Variants in LPA observed in about 807,000 individuals in gnomAD.
The protein encoded by LPA is lipoprotein(a).
A neutral mutation model predicts 197.9 loss-of-function variants in LPA; 199 were observed. The ratio of observed to expected loss-of-function variants is 1.01; its 90% CI spans 0.90 to 1.13. The LOEUF (loss-of-function observed/expected upper bound fraction) is 1.13. LPA is among the 50% of genes most tolerant of loss of function. The pLI is 0.00. For missense variants in LPA, 1,853 were observed against 1,785.8 expected, an observed-to-expected ratio of 1.04 and a Z score of -0.68; for synonymous variants, 715 against 639.5, an observed-to-expected ratio of 1.12 and a Z score of -1.78.
intron 28 of LPA, among the ~76,000 whole-genome samples, chr6:160,574,984 G>A (rs1020711614): frequency 1.3e-5 from 2 of 152,088 alleles, no homozygotes; most frequent in Non-Finnish European, 2.9e-5. Flanking sequence ...TATTGTTTCT[G>A]ACTTTCATTG....
chr6:160,567,438 G>A (rs1219360400), intron 28 of LPA, among the ~76,000 whole-genome samples: 2 of 152,156 alleles, frequency 1.3e-5, no homozygotes, highest in African/African-American at 2.4e-5. Context: ...GATATTCTTT[G>A]AAACCAATGA....
intron 14 of LPA, among the ~76,000 whole-genome samples, chr6:160,615,381 T>G (rs1259492367): frequency 2.1e-4 from 27 of 130,636 alleles, no homozygotes; most frequent in Non-Finnish European, 4.0e-4. Context: ...TGTGTGTGTG[T>G]GTGTAGCTCA....
In LPA at chr6:160,606,514, A is replaced by T. The variant is rs1306852382; in HGVS notation, c.2748T>A (p.Ile916=). 1 of 1,613,554 alleles carries T rather than the reference A, an allele frequency of 6.2e-7. No homozygotes were observed. Among genetic ancestry groups the T allele is most frequent in the African/African-American group, 1.3e-5 (1 of 75,010 alleles). Residue 916 remains isoleucine, a synonymous_variant, in exon 17 of 39, where the codon ATT becomes ATA. Coordinates refer to ENST00000316300, the MANE Select transcript of LPA (RefSeq NM_005577.4). Reference sequence around the variant, plus strand: ...GAGCCTCTAGGCTTGGAATCGGGGTAATAGTTGGAGGCGCGACGGCAGTCC... The same window carrying T: ...GAGCCTCTAGGCTTGGAATCGGGGTTATAGTTGGAGGCGCGACGGCAGTCC... ...AEGTAVAPPT[I]TPIPSLEAPS...
At chr6:160,553,137 A>G (rs1359109839) in intron 30 of LPA, among the ~76,000 whole-genome samples, 1 of 152,170 alleles carries the variant, frequency 6.6e-6, no homozygotes, top group African/African-American at 2.4e-5. Flanking sequence ...GTTTTTATGA[A>G]TTTTACTACT....
intron 35 of LPA, among the ~76,000 whole-genome samples, chr6:160,540,879 C>T (rs1777971060): frequency 6.6e-6 from 1 of 152,200 alleles, no homozygotes; most frequent in African/African-American, 2.4e-5. Context: ...TGGGTCTTCC[C>T]TCTGCAGATT....
In LPA at chr6:160,659,077, C is replaced by T. The variant is rs916949881; in HGVS notation, c.49+5089G>A. Among the ~76,000 whole-genome samples the T allele has an allele frequency of 3.9e-5, 6 of 152,274 alleles. No homozygotes were observed. The East Asian group carries it at 1.2e-3, about 29-fold the overall frequency. On this transcript the variant is annotated intron_variant, in intron 1 of 38. Transcript: ENST00000316300. Reference sequence around the variant, plus strand: ...AGCAAGGAAGACAGTCCAAGTCCCACAGCTGAAGAACTTGGAGTCCGATGT... The same window carrying T: ...AGCAAGGAAGACAGTCCAAGTCCCATAGCTGAAGAACTTGGAGTCCGATGT...
At chr6:160,600,796 G>A (rs1779223148) in intron 19 of LPA, 121 bp downstream of exon 19, 2 of 1,153,168 alleles carry the variant, frequency 1.7e-6, no homozygotes, top group Non-Finnish European at 2.6e-6. Context: ...CCTCCCACAT[G>A]GCAGACCCAG....
intron 17 of LPA, among the ~76,000 whole-genome samples, chr6:160,606,084 T>A (rs749118020): frequency 1.3e-5 from 2 of 152,192 alleles, no homozygotes; most frequent in Non-Finnish European, 2.9e-5. Context: ...TTTCTCTGAA[T>A]CTGCAATGCT....
intron 28 of LPA, among the ~76,000 whole-genome samples, chr6:160,569,097 A>G (rs909124361): frequency 3.3e-5 from 5 of 152,348 alleles, no homozygotes; most frequent in Admixed American, 1.3e-4. Context: ...CCATCAAGCT[A>G]CCAATGACTT....
intron 28 of LPA, among the ~76,000 whole-genome samples, chr6:160,563,875 A>C (rs1303863911): frequency 3.9e-5 from 6 of 152,210 alleles, no homozygotes; most frequent in African/African-American, 1.4e-4. Context: ...ATCAAAGACT[A>C]AGATTGCAAC....
chr6:160,589,887 G>T (rs998256896), intron 23 of LPA, among the ~76,000 whole-genome samples, 175 bp from the exon 24 acceptor site: 1 of 152,226 alleles, frequency 6.6e-6, no homozygotes, highest in African/African-American at 2.4e-5. Flanking sequence ...ATAGCATTCT[G>T]GAACTTCAAT....
In LPA at chr6:160,578,661, G is replaced by A. The variant is rs778266525; in HGVS notation, c.4333C>T (p.Arg1445Cys). 1.8e-5 allele frequency: 29 copies of A among 1,613,820 alleles called. No homozygotes were observed. The South Asian group carries it at 2.1e-4, about 12-fold the overall frequency. The change falls in exon 27 of 39, where the codon CGC (arginine) becomes TGC (cysteine). Residue 1445 changes from arginine to cysteine, a missense_variant. Physicochemically the swap from Arg to Cys is radical, Grantham distance 180. Around this residue, in one of 3 missense-constraint regions of LPA, gnomAD observed 1,737 missense variants for 1,504.4 expected, o/e 1.15. Coordinates refer to ENST00000316300, the MANE Select transcript of LPA (RefSeq NM_005577.4). The part of the protein sequence containing the change: ...NYCRNPDAEI[R>C]PWCYTMDPSV... ...GGATCCATGGTGTAACACCAAGGGC[G>A]AATCTCAGCATCTGGATTCCTGCAG... is the stretch of plus-strand genomic sequence containing the variant.
intron 16 of LPA, among the ~76,000 whole-genome samples, chr6:160,608,961 C>A (rs1779420673): frequency 6.6e-6 from 1 of 152,004 alleles, no homozygotes; most frequent in African/African-American, 2.4e-5. Flanking sequence ...CTAAATTGAT[C>A]AGGCAGCCAT....
At chr6:160,580,913 G>A (rs1188817715) in intron 26 of LPA, among the ~76,000 whole-genome samples, 1 of 152,090 alleles carries the variant, frequency 6.6e-6, no homozygotes. Flanking sequence ...TTTATTCAAT[G>A]AATGTCCACA....
intron 29 of LPA, among the ~76,000 whole-genome samples, chr6:160,556,865 T>C (rs1778273663): frequency 1.3e-5 from 2 of 152,136 alleles, no homozygotes; most frequent in African/African-American, 2.4e-5. Context: ...CTTCCAAGCA[T>C]AGGTGTGCAG....
chr6:160,537,757 G>C, intron 37 of LPA, 98 bp downstream of exon 37: 1 of 1,124,282 alleles, frequency 8.9e-7, no homozygotes, highest in South Asian at 1.3e-5. Context: ...CCACATTCAT[G>C]GGTAGGAATT....
chr6:160,597,418 T>A (rs1002798445), intron 20 of LPA, among the ~76,000 whole-genome samples: 2 of 152,238 alleles, frequency 1.3e-5, no homozygotes, highest in African/African-American at 2.4e-5. Flanking sequence ...TTTACTTCTC[T>A]ATGTTTCAAT....
intron 26 of LPA, among the ~76,000 whole-genome samples, chr6:160,584,191 CTT>C (rs1778853186): frequency 1.2e-4 from 11 of 90,176 alleles, no homozygotes; most frequent in Admixed American, 1.2e-3. Flanking sequence ...TCTTCTTCTT[CTT>C]CTTCTTCTTC....
intron 30 of LPA, among the ~76,000 whole-genome samples, chr6:160,551,822 C>T (rs575959449): frequency 5.3e-5 from 8 of 151,962 alleles, no homozygotes; most frequent in South Asian, 2.1e-4. Flanking sequence ...GCCATCTATA[C>T]GGAAAATCCA....
Sources: gnomAD v4.1 joint callset for allele counts (sites outside exome capture counted in the v4.1 genomes callset) on GRCh38, gnomAD v4.1.1 for gene constraint, gnomAD v4.1.1 regional missense constraint, MANE v1.5 for transcripts, NCBI Gene and HGNC (gene_info 2026-07-23, HGNC 2026-07-21) for gene names.